The following TNNT1 variants were observed in gnomAD, a reference collection of about 807,000 sequenced individuals.
TNNT1 encodes troponin T1, slow skeletal type, also known as troponin T, slow skeletal muscle.
In TNNT1, 53 loss-of-function variants were observed where a neutral mutation model predicts 50.6. The ratio of observed to expected loss-of-function variants is 1.05; its 90% CI spans 0.84 to 1.32. The LOEUF (loss-of-function observed/expected upper bound fraction) is 1.32. TNNT1 is among the 40% of genes most tolerant of loss of function. The pLI is 0.00. For synonymous variants in TNNT1, 142 were observed against 138.0 expected, an observed-to-expected ratio of 1.03 and a Z score of -0.20; for missense variants, 348 against 381.7, an observed-to-expected ratio of 0.91 and a Z score of 0.74.
chr19:55,141,041 G>C, intron 8 of TNNT1, 81 bp from the exon 9 acceptor site: 1 of 1,564,336 alleles, frequency 6.4e-7, no homozygotes, highest in South Asian at 1.1e-5. Context: ...AAACAGATTG[G>C]AGTGTGGCCA....
At chr19:55,137,311 G>A in intron 10 of TNNT1, 99 bp from the exon 11 acceptor site, 1 of 830,740 alleles carries the variant, frequency 1.2e-6, no homozygotes. Flanking sequence ...CCATTTCCAT[G>A]TTGGGACCAC....
intron 4 of TNNT1, 46 bp downstream of exon 4, chr19:55,146,608 CCCCCTCCTCCCGGGCCCAGCGTCCCCG>C: frequency 8.6e-7 from 1 of 1,163,662 alleles, no homozygotes. Flanking sequence ...CCCCATCCCG[CCCCCTCCTCCCGGGCCCAGCGTCCCCG>C]CCCCCCCACC....
chr19:55,145,307 G>C (rs1456220417), intron 6 of TNNT1: 1 of 574,730 alleles, frequency 1.7e-6, no homozygotes. Context: ...CGATGAAGAA[G>C]AAGGGGAAGG....
At chr19:55,137,821 C>A in intron 10 of TNNT1, 140 bp downstream of exon 10, 1 of 1,056,312 alleles carries the variant, frequency 9.5e-7, no homozygotes. Flanking sequence ...CCCTCAGACC[C>A]AGGAGTTCAG....
chr19:55,138,685 C>G (rs1034049370), intron 9 of TNNT1, among the ~76,000 whole-genome samples: 5 of 152,220 alleles, frequency 3.3e-5, no homozygotes, highest in African/African-American at 1.2e-4. Context: ...ATAGTGAACT[C>G]TGCTGTACGA....
chr19:55,137,186 C>A lies in TNNT1; in HGVS notation c.528G>T (p.Gln176His). 6.2e-7 allele frequency: 1 copy of A among 1,613,666 alleles called. No individual in the cohort carries two copies. Among genetic ancestry groups the A allele is most frequent in the African/African-American group, 1.3e-5 (1 of 74,934 alleles). ...TGCGCACCTTCATCTCCCGCCCCGTCTGCCGCTTACCACGCTTCTGTTCTG... is the reference window on the plus strand; with the variant it reads ...TGCGCACCTTCATCTCCCGCCCCGTATGCCGCTTACCACGCTTCTGTTCTG... ...VKAEQKRGKR[Q>H]TGREMKVRIL... Residue 176 changes from glutamine (Q) to histidine (H), a missense_variant, in exon 11 of 14, where the codon CAG becomes CAT. Gln to His is a conservative substitution (Grantham distance 24). Around this residue, in one of 3 missense-constraint regions of TNNT1, gnomAD observed 253 missense variants for 291.8 expected, o/e 0.87. Coordinates refer to ENST00000588981, the MANE Select transcript of TNNT1 (RefSeq NM_003283.6).
chr19:55,135,825 A>G (rs2085337951), intron 11 of TNNT1, among the ~76,000 whole-genome samples: 1 of 152,086 alleles, frequency 6.6e-6, no homozygotes, highest in Non-Finnish European at 1.5e-5. Context: ...CCGCCCGGCC[A>G]ACAATACTTT....
At chr19:55,141,712 G>A in intron 7 of TNNT1, 145 bp downstream of exon 7, 2 of 881,402 alleles carry the variant, frequency 2.3e-6, no homozygotes, top group Non-Finnish European at 3.8e-6. Flanking sequence ...TCGAACTCCT[G>A]ACCTCAGGTG....
chr19:55,145,873 C>T (rs1293024289), intron 5 of TNNT1, among the ~76,000 whole-genome samples: 1 of 151,756 alleles, frequency 6.6e-6, no homozygotes, highest in Non-Finnish European at 1.5e-5. Context: ...TATTTATATG[C>T]CCAGAGCTCC....
chr19:55,134,306 G>A (rs2085304089), intron 11 of TNNT1, 102 bp from the exon 12 acceptor site: 7 of 1,212,132 alleles, frequency 5.8e-6, no homozygotes, highest in Non-Finnish European at 8.2e-6. Flanking sequence ...GCACCATTTT[G>A]TTCATATTTG....
chr19:55,144,737 G>A (rs1383307710), intron 6 of TNNT1, among the ~76,000 whole-genome samples: 1 of 152,240 alleles, frequency 6.6e-6, no homozygotes, highest in Non-Finnish European at 1.5e-5. Flanking sequence ...CTGTCAGTGG[G>A]GAAGGCAGAT....
intron 6 of TNNT1, chr19:55,145,282 T>C: frequency 1.9e-6 from 1 of 528,060 alleles, no homozygotes. Flanking sequence ...GGTAACAGGG[T>C]GGAGACTATG....
intron 3 of TNNT1, 73 bp downstream of exon 3, chr19:55,146,935 C>A: frequency 6.7e-7 from 1 of 1,503,540 alleles, no homozygotes; most frequent in African/African-American, 1.4e-5. Context: ...CAAAGTGCCA[C>A]ACTCCTCGCC....
At chr19:55,145,412 G>A in intron 6 of TNNT1, 132 bp downstream of exon 6, 1 of 775,668 alleles carries the variant, frequency 1.3e-6, no homozygotes, top group Admixed American at 2.0e-5. Context: ...GGAGGAGGAG[G>A]AGGAGGAGAA....
At chr19:55,137,033 G>C (rs1274990152) in intron 11 of TNNT1, 70 bp downstream of exon 11, 5 of 990,048 alleles carry the variant, frequency 5.1e-6, no homozygotes, top group Non-Finnish European at 1.6e-6. Context: ...ACCCAGATCT[G>C]GGTGTGAGCT....
chr19:55,142,973 G>C (rs1457328079), intron 6 of TNNT1, among the ~76,000 whole-genome samples: 1 of 151,660 alleles, frequency 6.6e-6, no homozygotes, highest in African/African-American at 2.4e-5. Context: ...AAACCAGCTT[G>C]GGCATCATGG....
intron 9 of TNNT1, among the ~76,000 whole-genome samples, chr19:55,139,479 C>G (rs1599880224): frequency 6.6e-6 from 1 of 152,154 alleles, no homozygotes; most frequent in Admixed American, 6.5e-5. Context: ...CTTCCCTTTT[C>G]CAGCTGCTGC....
In TNNT1 at chr19:55,141,848, G is replaced by C. The variant is rs1355427525; in HGVS notation, c.192+9C>G. On this transcript the variant is annotated intron_variant, in intron 7 of 13. Coordinates refer to ENST00000588981, the MANE Select transcript of TNNT1 (RefSeq NM_003283.6). ...AACTGCGCCTGCGGAGGGGTCTCTT[G>C]TCACTTACATCGAAGTCAACGCGCT... 6.2e-7 allele frequency: 1 copy of C among 1,613,842 alleles called. No individual in the cohort carries two copies. Among genetic ancestry groups the C allele is most frequent in the Non-Finnish European group, 8.5e-7 (1 of 1,179,900 alleles).
At position 55,141,880 on chromosome 19, in the gene TNNT1, C is replaced by A; in HGVS notation, c.169G>T (p.Glu57Ter). The A allele has an allele frequency of 1.2e-6, 2 of 1,614,108 alleles. No individual in the cohort carries two copies. Among genetic ancestry groups the A allele is most frequent in the Non-Finnish European group, 1.7e-6 (2 of 1,179,978 alleles). The change falls in exon 7 of 14, where the codon GAA (glutamate) becomes TAA (stop). Residue 57 changes from glutamate to a stop codon, truncating the protein, a stop_gained. Transcript: ENST00000588981. LOFTEE classifies it high-confidence loss of function. ...VPPLIPPKIP[E>*]GERVDFDDIH... ...ACATCGAAGTCAACGCGCTCCCCTT[C>A]TGGGATCTTTGGCGGGATCAAAGGA...
Sources: allele counts gnomAD v4.1 joint callset (sites outside exome capture counted in the v4.1 genomes callset), GRCh38; gene constraint gnomAD v4.1.1; regional missense constraint gnomAD v4.1.1; transcripts MANE v1.5; gene names NCBI Gene and HGNC (gene_info 2026-07-23, HGNC 2026-07-21).